Variants in APBA2 observed in about 807,000 individuals in gnomAD.
APBA2 encodes amyloid beta precursor protein binding family A member 2.
Under a neutral mutation model 75.0 loss-of-function variants are expected in APBA2, and 30 were observed. That is an observed-to-expected ratio of 0.40 (90% CI 0.30 to 0.54). The LOEUF is 0.54. APBA2 is among the 20% of genes least tolerant of loss of function. The probability of loss-of-function intolerance (pLI) is 0.49; values close to 1 mark genes in which losing one functional copy is unlikely to be tolerated. For missense variants in APBA2, 801 were observed against 1,016.1 expected (o/e 0.79, Z 2.88); for synonymous variants, 444 against 409.6 (o/e 1.08, Z -1.01).
chr15:29,072,986 T>C (rs1345041819), intron 4 of APBA2, among the ~76,000 whole-genome samples: 1 of 152,124 alleles, frequency 6.6e-6, no homozygotes, highest in East Asian at 1.9e-4. Flanking sequence ...CTCCCCTGCA[T>C]CCCCCACTCC....
intron 2 of APBA2, among the ~76,000 whole-genome samples, chr15:28,958,914 G>A (rs1436366616): frequency 6.6e-6 from 1 of 151,762 alleles, no homozygotes; most frequent in African/African-American, 2.4e-5. Context: ...TGCTTTGGTG[G>A]TTCAGTAACT....
intron 2 of APBA2, among the ~76,000 whole-genome samples, chr15:28,933,976 T>G (rs1290358807): frequency 6.6e-6 from 1 of 150,444 alleles, no homozygotes; most frequent in African/African-American, 2.5e-5. Flanking sequence ...AAGGGGGGCA[T>G]GGGCTGGAGG....
intron 9 of APBA2, among the ~76,000 whole-genome samples, chr15:29,099,859 C>T (rs896566470): frequency 6.6e-6 from 1 of 152,260 alleles, no homozygotes; most frequent in Non-Finnish European, 1.5e-5. Context: ...CCTCCTAATA[C>T]CCACAGCCCC....
chr15:29,015,252 C>G (rs2039600083), intron 3 of APBA2, among the ~76,000 whole-genome samples: 1 of 152,172 alleles, frequency 6.6e-6, no homozygotes, highest in Admixed American at 6.5e-5. Flanking sequence ...ATCAAGCTGT[C>G]TTTTCCAGAG....
At chr15:29,098,423 T>TAGA (rs2043954954) in intron 8 of APBA2, 67 bp from the exon 9 acceptor site, 9 of 1,075,256 alleles carry the variant, frequency 8.4e-6, no homozygotes, top group Middle Eastern at 2.0e-4. Flanking sequence ...TTTGTCATAA[T>TAGA]GCTATTTGCA....
In APBA2 at chr15:28,958,989, G is replaced by C. The variant is rs146373915; in HGVS notation, c.-94-36764G>C. ...CTATAGGGCTCTTCTCTTCTCTTCTGTTCTCTTCTCTTCTTTTTGATACAG... is the reference window on the plus strand; with the variant it reads ...CTATAGGGCTCTTCTCTTCTCTTCTCTTCTCTTCTCTTCTTTTTGATACAG... On this transcript the variant is annotated intron_variant, in intron 2 of 14. Transcript: ENST00000683413. Among the ~76,000 whole-genome samples, 3 of 151,878 alleles carry C rather than the reference G, an allele frequency of 2.0e-5. No individual in the cohort carries two copies. The East Asian group carries it at 5.8e-4, about 29-fold the overall frequency.
At chr15:29,080,549 A>C (rs1043583291) in intron 6 of APBA2, among the ~76,000 whole-genome samples, 4 of 152,118 alleles carry the variant, frequency 2.6e-5, no homozygotes, top group African/African-American at 9.7e-5. Context: ...CAGACTGGGA[A>C]GGTTAACGCT....
In APBA2 at chr15:29,052,679, T is replaced by G. The variant is rs115176412; in HGVS notation, c.-40-1166T>G. Among the ~76,000 whole-genome samples the G allele has an allele frequency of 3.9e-3, 591 of 152,250 alleles. 4 individuals are homozygous for G. Among genetic ancestry groups the G allele is most frequent in the African/African-American group, 0.014 (574 of 41,532 alleles). On this transcript the variant is annotated intron_variant, in intron 3 of 14. Transcript: ENST00000683413. ...TGACTGTGCACATGTCTTAGTCTGT[T>G]TTCTGTTGCTATAACAGAATACCTA...
chr15:28,937,079 A>G (rs1419960891), intron 2 of APBA2, among the ~76,000 whole-genome samples: 6 of 152,172 alleles, frequency 3.9e-5, no homozygotes, highest in Non-Finnish European at 5.9e-5. Context: ...CCAGGATCGT[A>G]TGCCTCCGCT....
intron 3 of APBA2, among the ~76,000 whole-genome samples, chr15:29,024,444 C>T (rs2040115041): frequency 2.0e-5 from 3 of 152,194 alleles, no homozygotes; most frequent in South Asian, 2.1e-4. Flanking sequence ...GGAGACAGCA[C>T]TGTGGGCCCT....
At chr15:28,887,359 C>T (rs2031815179) in intron 1 of APBA2, among the ~76,000 whole-genome samples, 1 of 152,126 alleles carries the variant, frequency 6.6e-6, no homozygotes, top group Non-Finnish European at 1.5e-5. Flanking sequence ...TGAGAAAGGA[C>T]AGTGATTTTA....
chr15:29,087,301 A>C (rs2043332634), intron 6 of APBA2, among the ~76,000 whole-genome samples: 1 of 151,864 alleles, frequency 6.6e-6, no homozygotes, highest in Non-Finnish European at 1.5e-5. Flanking sequence ...CTGGGAAGTC[A>C]TTCTCCCCAC....
rs1329831098 is a variant in APBA2 at position 28,991,989 on chromosome 15, A to G, written c.-94-3764A>G. 6.6e-6 allele frequency among the ~76,000 whole-genome samples: 1 copy of G among 152,114 alleles called. No individual in the cohort carries two copies. Among genetic ancestry groups the G allele is most frequent in the African/African-American group, 2.4e-5 (1 of 41,416 alleles). ...GGGGCCAGCTAGAGGAAGGAGTGTGATTGTGCCTTCCCGGGACAGCTTCCA... is the reference window on the plus strand; with the variant it reads ...GGGGCCAGCTAGAGGAAGGAGTGTGGTTGTGCCTTCCCGGGACAGCTTCCA... On this transcript the variant is annotated intron_variant, in intron 2 of 14. Transcript: ENST00000683413. This position sits in a 1 kb window ranked among gnomAD's most constrained non-coding sequence, Gnocchi z 4.7.
At chr15:29,039,601 C>T (rs2040930845) in intron 3 of APBA2, among the ~76,000 whole-genome samples, 1 of 152,190 alleles carries the variant, frequency 6.6e-6, no homozygotes, top group Non-Finnish European at 1.5e-5. Context: ...CAGGTTGATT[C>T]TAGCATCCAA....
At chr15:28,966,878 G>A (rs1423121813) in intron 2 of APBA2, among the ~76,000 whole-genome samples, 2 of 152,114 alleles carry the variant, frequency 1.3e-5, no homozygotes, top group Admixed American at 6.5e-5. Context: ...CAGCCTACTG[G>A]TGTCAGAGTT....
chr15:28,936,852 G>A (rs1252291971), intron 2 of APBA2, among the ~76,000 whole-genome samples: 1 of 152,186 alleles, frequency 6.6e-6, no homozygotes, highest in East Asian at 1.9e-4. Context: ...GGGACAGACA[G>A]GAGACCAGGG....
chr15:29,019,129 T>C (rs1324364007), intron 3 of APBA2, among the ~76,000 whole-genome samples: 1 of 152,184 alleles, frequency 6.6e-6, no homozygotes, highest in South Asian at 2.1e-4. Flanking sequence ...GGACAGGTCA[T>C]GCTGCAGGCC....
At chr15:29,047,749 C>T (rs1386850057) in intron 3 of APBA2, among the ~76,000 whole-genome samples, 3 of 152,152 alleles carry the variant, frequency 2.0e-5, no homozygotes, top group African/African-American at 7.2e-5. Context: ...CTGAAAGTGA[C>T]ATCATTTACC....
chr15:29,087,861 G>A (rs1293676492), intron 6 of APBA2, among the ~76,000 whole-genome samples: 1 of 152,144 alleles, frequency 6.6e-6, no homozygotes, highest in African/African-American at 2.4e-5. Context: ...GTTGAGGCCA[G>A]GTCCCGTCTG....
Sources: gnomAD v4.1 joint callset for allele counts (sites outside exome capture counted in the v4.1 genomes callset) on GRCh38, gnomAD v4.1.1 for gene constraint, Gnocchi (gnomAD v3.1) non-coding constraint, MANE v1.5 for transcripts, NCBI Gene and HGNC (gene_info 2026-07-23, HGNC 2026-07-21) for gene names.